SYN2: variants seen among roughly 807,000 people sequenced by gnomAD.
SYN2 encodes synapsin-2.
SYN2 carries 19 observed loss-of-function variants against 50.9 expected under a neutral mutation model. The ratio of observed to expected loss-of-function variants is 0.37; its 90% CI spans 0.26 to 0.55. SYN2 has a LOEUF of 0.55. Ranked by LOEUF, SYN2 falls within the 20% of genes least tolerant of loss-of-function variation. The pLI, the probability that SYN2 is intolerant of heterozygous loss-of-function variation, is 0.81. For missense variants in SYN2, 587 were observed against 576.4 expected, an observed-to-expected ratio of 1.02 and a Z score of -0.19; for synonymous variants, 255 against 224.9, an observed-to-expected ratio of 1.13 and a Z score of -1.20.
At chr3:12,165,019 G>A (rs1226536465) in intron 7 of SYN2, among the ~76,000 whole-genome samples, 41 of 119,826 alleles carry the variant, frequency 3.4e-4, no homozygotes, top group African/African-American at 1.3e-3. Context: ...ACAGAGTCTC[G>A]CTCTGCCACC....
intron 1 of SYN2, among the ~76,000 whole-genome samples, chr3:12,035,452 C>T (rs536846429): frequency 2.6e-5 from 4 of 152,274 alleles, no homozygotes; most frequent in East Asian, 1.9e-4. Context: ...AGATTTGCAG[C>T]GAGAGAAGGT....
intron 1 of SYN2, among the ~76,000 whole-genome samples, chr3:12,078,220 T>G (rs1264067201): frequency 6.6e-6 from 1 of 152,218 alleles, no homozygotes; most frequent in African/African-American, 2.4e-5. Context: ...ATTAGGCCTT[T>G]GTCAGATGGA....
At chr3:12,036,502 G>A (rs1448066038) in intron 1 of SYN2, among the ~76,000 whole-genome samples, 1 of 152,154 alleles carries the variant, frequency 6.6e-6, no homozygotes, top group Non-Finnish European at 1.5e-5. Flanking sequence ...CCACAGCTGG[G>A]GAGTCTGAGG....
chr3:12,094,119 T>A (rs2125183757), intron 1 of SYN2, among the ~76,000 whole-genome samples: 2 of 152,278 alleles, frequency 1.3e-5, no homozygotes, highest in Middle Eastern at 6.8e-3. Context: ...TCTCCCAAAG[T>A]GCTAGGATTA....
intron 12 of SYN2, among the ~76,000 whole-genome samples, chr3:12,187,831 G>C (rs931671038): frequency 1.3e-5 from 2 of 151,910 alleles, no homozygotes; most frequent in African/African-American, 4.8e-5. Flanking sequence ...GAGAAGGGAG[G>C]AAAGAGGGAA....
chr3:12,066,922 A>G (rs570420927), intron 1 of SYN2, among the ~76,000 whole-genome samples: 3 of 152,180 alleles, frequency 2.0e-5, no homozygotes, highest in Non-Finnish European at 2.9e-5. Context: ...GTGTAGAATC[A>G]TGGCAGAAGT....
rs904758233 is a variant in SYN2, at chr3:12,191,589, T to G, written c.*964T>G. On this transcript the variant is annotated 3_prime_UTR_variant, in exon 13 of 13. Transcript: ENST00000621198. ...ACATGTGTTTGCAAGTGTTTGAGAA[T>G]GTGTCTGTCCTTTACATACCACTTC... Among the ~76,000 whole-genome samples, 1 of 152,162 alleles carries G rather than the reference T, an allele frequency of 6.6e-6. No individual in the cohort carries two copies. Among genetic ancestry groups the G allele is most frequent in the Non-Finnish European group, 1.5e-5 (1 of 68,028 alleles).
intron 4 of SYN2, among the ~76,000 whole-genome samples, chr3:12,146,464 A>G (rs6786020): frequency 0.029 from 4,371 of 152,292 alleles, 241 homozygotes; most frequent in African/African-American, 0.1. Flanking sequence ...GTAGAAAACT[A>G]CTTACTATAG....
chr3:12,042,328 G>A (rs1694637824), intron 1 of SYN2, among the ~76,000 whole-genome samples: 1 of 152,190 alleles, frequency 6.6e-6, no homozygotes, highest in Non-Finnish European at 1.5e-5. Context: ...GCATCTTAAA[G>A]AGTTGAAATA....
intron 1 of SYN2, among the ~76,000 whole-genome samples, chr3:12,034,429 T>C (rs1304130169): frequency 1.3e-5 from 2 of 152,238 alleles, no homozygotes; most frequent in African/African-American, 2.4e-5. Flanking sequence ...GCATTCTTTA[T>C]ATGTTCTAGA....
rs2623879 is a variant in SYN2 at position 12,004,946 on chromosome 3, C to T, written c.377+18C>T. The T allele has an allele frequency of 0.13, 69,211 of 515,206 alleles. 5,558 individuals are homozygous for T. The highest frequency in any genetic ancestry group is 0.17 in the Non-Finnish European group (49,120 of 293,706). 31.9% of individuals were successfully genotyped at this position (515,206 alleles called of 1,614,324 possible). On this transcript the variant is annotated intron_variant, in intron 1 of 12. Coordinates refer to ENST00000621198, the MANE Select transcript of SYN2 (RefSeq NM_133625.6). The stretch of plus-strand genomic sequence containing the variant: ...GCCGACTGGTAGGTGCCGGGCGCCG[C>T]CGCCCTCGGGGGTCGGGGTCCGCCG...
At chr3:12,098,659 A>G (rs1262277947) in intron 1 of SYN2, among the ~76,000 whole-genome samples, 1 of 151,942 alleles carries the variant, frequency 6.6e-6, no homozygotes, top group Non-Finnish European at 1.5e-5. Context: ...GGAATAAAAA[A>G]TTAAGATATA....
intron 4 of SYN2, 73 bp downstream of exon 4, chr3:12,145,908 A>T: frequency 6.3e-7 from 1 of 1,587,930 alleles, no homozygotes; most frequent in East Asian, 2.2e-5. Context: ...CCTAGCAGGG[A>T]CTCAAGATGC....
In SYN2 at chr3:12,169,938, A is replaced by G. The variant is rs772830433; in HGVS notation, c.1308+32A>G. 2.2e-5 allele frequency: 34 copies of G among 1,576,764 alleles called. 1 individual carries two copies. In the South Asian group the frequency reaches 3.6e-4, roughly 17 times the overall value. ...AGCTAGGAAGAGACATAGCAGAGCC[A>G]AGAACCATTCCCAAGCCCACTCCTC... is the stretch of plus-strand genomic sequence containing the variant. On this transcript the variant is annotated intron_variant, in intron 10 of 12. Transcript: ENST00000621198.
chr3:12,060,986 G>T (rs896050291), intron 1 of SYN2, among the ~76,000 whole-genome samples: 2 of 152,050 alleles, frequency 1.3e-5, no homozygotes, highest in African/African-American at 4.8e-5. Flanking sequence ...ACGCTCTGAT[G>T]GAAAAAGTAG....
At chr3:12,135,496 C>G (rs1696878222) in intron 1 of SYN2, among the ~76,000 whole-genome samples, 2 of 152,164 alleles carry the variant, frequency 1.3e-5, no homozygotes, top group African/African-American at 2.4e-5. Context: ...CTTTTCCTCC[C>G]TAAATGCCTT....
In SYN2 at chr3:12,069,200, T is replaced by C. The variant is rs144758094; in HGVS notation, c.377+64272T>C. ...TTGGGTTGTTTCCACTTTTTGGCCGTATGAATAACGCTGCCATGAACATTT... is the reference window on the plus strand; with the variant it reads ...TTGGGTTGTTTCCACTTTTTGGCCGCATGAATAACGCTGCCATGAACATTT... On this transcript the variant is annotated intron_variant, in intron 1 of 12. Transcript: ENST00000621198. Among the ~76,000 whole-genome samples the C allele has an allele frequency of 3.9e-3, 587 of 152,284 alleles. 9 individuals carry two copies. The highest frequency in any genetic ancestry group is 0.014 in the African/African-American group (564 of 41,560).
chr3:12,036,868 C>G (rs1224579620), intron 1 of SYN2, among the ~76,000 whole-genome samples: 1 of 152,170 alleles, frequency 6.6e-6, no homozygotes, highest in Non-Finnish European at 1.5e-5. Context: ...ATGTCTAAGT[C>G]ATTTCTCTTT....
chr3:12,129,357 G>A (rs1696740548), intron 1 of SYN2, among the ~76,000 whole-genome samples: 1 of 152,140 alleles, frequency 6.6e-6, no homozygotes, highest in South Asian at 2.1e-4. Context: ...AACAAACTTT[G>A]GAAATGGGTA....
Sources: gnomAD v4.1 joint callset for allele counts (sites outside exome capture counted in the v4.1 genomes callset) on GRCh38, gnomAD v4.1.1 for gene constraint, MANE v1.5 for transcripts, NCBI Gene and HGNC (gene_info 2026-07-23, HGNC 2026-07-21) for gene names.